The following MACF1 variants were observed in gnomAD, a reference collection of about 807,000 sequenced individuals.
MACF1 encodes microtubule actin crosslinking factor 1.
A neutral mutation model predicts 854.8 loss-of-function variants in MACF1; 193 were observed. That is an observed-to-expected ratio of 0.23 (90% CI 0.20 to 0.25). The LOEUF (loss-of-function observed/expected upper bound fraction) is 0.25, where lower values mean the gene tolerates loss of function less well. MACF1 is among the 10% of genes least tolerant of loss of function. MACF1 has a pLI of 1.00. For missense variants in MACF1, 7,722 were observed against 8,929.1 expected (o/e 0.86, Z 5.45); for synonymous variants, 3,185 against 3,226.7 (o/e 0.99, Z 0.44).
chr1:39,399,208 C>T (rs1208207942), intron 58 of MACF1, among the ~76,000 whole-genome samples: 1 of 152,032 alleles, frequency 6.6e-6, no homozygotes, highest in Non-Finnish European at 1.5e-5. Flanking sequence ...TCAGAACTAG[C>T]CTATTTCTGT....
upstream of MACF1, among the ~76,000 whole-genome samples, chr1:39,200,667 GC>G (rs572702487): frequency 1.3e-5 from 2 of 151,740 alleles, no homozygotes; most frequent in South Asian, 4.2e-4. Context: ...CCACTGCACT[GC>G]AGCTTGGGTG....
rs1392812691 is a variant in MACF1, at chr1:39,105,343, T to A, written c.220+20905T>A. On this transcript the variant is annotated intron_variant, in intron 2 of 93. Transcript: ENST00000361689. The surrounding 1 kb of genome is among the most constrained non-coding windows in gnomAD (Gnocchi z 5.9). ...AGGAGCCGCCGCCGCCGCCCGCCGC[T>A]GCAGCCGCGCCGGGGCGGGCTGAGG... is the stretch of plus-strand genomic sequence containing the variant. The A allele has an allele frequency of 2.1e-6, 2 of 931,300 alleles. No homozygotes were observed. The highest frequency in any genetic ancestry group is 2.3e-4 in the East Asian group (2 of 8,528). The allele number at this position is 931,300 out of a possible 1,614,324, so 57.7% of individuals were successfully genotyped here. A position where few individuals can be genotyped will look rare whatever the true frequency, so the allele number is the denominator to read the frequency against.
intron 58 of MACF1, among the ~76,000 whole-genome samples, chr1:39,395,426 A>G (rs1470326895): frequency 6.6e-6 from 1 of 152,196 alleles, no homozygotes; most frequent in East Asian, 1.9e-4. Flanking sequence ...GCTTTCCTTT[A>G]AGCCAGGCTC....
chr1:39,302,834 T>C (rs1444711633), intron 22 of MACF1, 90 bp from the exon 23 acceptor site: 3 of 1,289,058 alleles, frequency 2.3e-6, no homozygotes, highest in Non-Finnish European at 2.1e-6. Flanking sequence ...ATTTTTTTCT[T>C]AAGGATTTGA....
intron 65 of MACF1, 64 bp from the exon 66 acceptor site, chr1:39,430,638 C>G: frequency 7.7e-7 from 1 of 1,293,034 alleles, no homozygotes; most frequent in South Asian, 1.2e-5. Flanking sequence ...AATTTCCACC[C>G]AGCACAGTTG....
At chr1:39,397,778 T>C in intron 58 of MACF1, among the ~76,000 whole-genome samples, 1 of 152,194 alleles carries the variant, frequency 6.6e-6, no homozygotes, top group East Asian at 1.9e-4. Context: ...ACTGAATGCA[T>C]ATCACTTTCA....
intron 52 of MACF1, among the ~76,000 whole-genome samples, chr1:39,374,295 G>A (rs74977025): frequency 1.1e-3 from 173 of 152,270 alleles, no homozygotes; most frequent in Non-Finnish European, 2.1e-3. Flanking sequence ...TCACTTGCTC[G>A]TTGTTAATTG....
chr1:39,251,324 T>G (rs1645038436), intron 3 of MACF1, among the ~76,000 whole-genome samples: 3 of 152,268 alleles, frequency 2.0e-5, no homozygotes, highest in African/African-American at 7.2e-5. Flanking sequence ...AATTTTACTT[T>G]CATTGTGCTG....
In MACF1 at chr1:39,387,616, A is replaced by G; in HGVS notation, c.14774A>G (p.Lys4925Arg). 2 of 1,614,210 alleles carry G rather than the reference A, an allele frequency of 1.2e-6. No homozygotes were observed. Among genetic ancestry groups the G allele is most frequent in the Non-Finnish European group, 1.7e-6 (2 of 1,180,036 alleles). ...CCATGGATAGAAGATTGTAAAGCTAAGATGTCTGAGTTGCGAGTCACTCTG... is the reference window on the plus strand; with the variant it reads ...CCATGGATAGAAGATTGTAAAGCTAGGATGTCTGAGTTGCGAGTCACTCTG... The part of the protein sequence containing the change: ...LVPWIEDCKA[K>R]MSELRVTLDP... The change falls in exon 58 of 101, where the codon AAG (lysine) becomes AGG (arginine). Residue 4925 changes from lysine to arginine, a missense_variant. By Grantham distance (26) the Lys-to-Arg change is conservative. Transcript: ENST00000564288.
At chr1:39,214,766 G>T (rs773973274) in intron 1 of MACF1, among the ~76,000 whole-genome samples, 24 of 152,260 alleles carry the variant, frequency 1.6e-4, no homozygotes, top group Non-Finnish European at 2.6e-4. Context: ...GACGGTGAGT[G>T]TATGAGCTTG....
At chr1:39,481,369 A>G (rs944177939) in intron 99 of MACF1, among the ~76,000 whole-genome samples, 5 of 152,248 alleles carry the variant, frequency 3.3e-5, no homozygotes, top group African/African-American at 9.6e-5. Context: ...TCAGATACTC[A>G]GACGAGTTAT....
rs1393125554 is a variant in MACF1 at position 39,331,461 on chromosome 1, C to G, written c.4873C>G (p.Leu1625Val). 6.2e-7 allele frequency: 1 copy of G among 1,613,984 alleles called. No individual in the cohort carries two copies. Among genetic ancestry groups the G allele is most frequent in the African/African-American group, 1.3e-5 (1 of 74,904 alleles). The change falls in exon 37 of 101, where the codon CTT (leucine) becomes GTT (valine). Residue 1625 changes from leucine (L) to valine (V), a missense_variant. Leu to Val is a conservative substitution (Grantham distance 32). Around this residue, in one of 15 missense-constraint regions of MACF1, gnomAD observed 1,531 missense variants for 1,601.6 expected, o/e 0.96. Coordinates refer to ENST00000564288, the MANE Select transcript of MACF1 (RefSeq NM_001394062.1). ...LQDALALISRLTESRGPLSVV... is the reference protein window; with the variant it reads ...LQDALALISRVTESRGPLSVV... The stretch of plus-strand genomic sequence containing the variant: ...GGATGCCCTGGCCTTAATAAGCAGG[C>G]TTACTGAGAGCAGAGGCCCTCTTTC...
chr1:39,158,523 T>C (rs1347340199), intron 2 of MACF1, among the ~76,000 whole-genome samples: 1 of 152,232 alleles, frequency 6.6e-6, no homozygotes, highest in African/African-American at 2.4e-5. Context: ...GTGGTGAGCA[T>C]GGCCCTTTAA....
chr1:39,393,196 A>AAAAAATATATATATATAT (rs57576149), intron 58 of MACF1, among the ~76,000 whole-genome samples: 1 of 66,566 alleles, frequency 1.5e-5, no homozygotes, highest in African/African-American at 8.4e-5. Flanking sequence ...AAAAAAAAAA[A>AAAAAATATATATATATAT]ATATATATAT....
chr1:39,169,773 C>CTTTTTTTT (rs11335031), intron 2 of MACF1, among the ~76,000 whole-genome samples: 5 of 97,490 alleles, frequency 5.1e-5, no homozygotes, highest in Non-Finnish European at 7.9e-5. Flanking sequence ...TTCTTTCTTT[C>CTTTTTTTT]TTTTTTTTTT....
intron 73 of MACF1, 22 bp downstream of exon 73, chr1:39,441,147 A>G (rs1644107344): frequency 6.2e-7 from 1 of 1,614,164 alleles, no homozygotes; most frequent in Non-Finnish European, 8.5e-7. Flanking sequence ...TGGATGAGGC[A>G]CTCAGTTAGA....
intron 2 of MACF1, among the ~76,000 whole-genome samples, chr1:39,187,822 C>A (rs2148242538): frequency 6.7e-6 from 1 of 149,892 alleles, no homozygotes; most frequent in Admixed American, 6.7e-5. Flanking sequence ...TTAAGTCTCT[C>A]TAAGGATATT....
chr1:39,350,708 A>G (rs904696031), intron 42 of MACF1, 77 bp from the exon 43 acceptor site: 2 of 1,045,426 alleles, frequency 1.9e-6, no homozygotes, highest in South Asian at 1.4e-5. Flanking sequence ...CATCCTAGCC[A>G]TTCCATCTTT....
intron 6 of MACF1, among the ~76,000 whole-genome samples, chr1:39,279,391 C>G (rs1039385276): frequency 6.6e-6 from 1 of 151,806 alleles, no homozygotes; most frequent in Non-Finnish European, 1.5e-5. Flanking sequence ...TGTTAAAGTT[C>G]CTGGCCCTTT....
Sources: allele counts gnomAD v4.1 joint callset (sites outside exome capture counted in the v4.1 genomes callset), GRCh38; gene constraint gnomAD v4.1.1; regional missense constraint gnomAD v4.1.1; non-coding constraint Gnocchi (gnomAD v3.1); transcripts MANE v1.5; gene names NCBI Gene and HGNC (gene_info 2026-07-23, HGNC 2026-07-21).